CRYZL1: variants seen among roughly 807,000 people sequenced by gnomAD.
The protein encoded by CRYZL1 is crystallin zeta like 1.
A neutral mutation model predicts 50.6 loss-of-function variants in CRYZL1; 34 were observed. The observed-to-expected ratio is 0.67, with a 90% confidence interval of 0.51 to 0.89. The LOEUF (loss-of-function observed/expected upper bound fraction) is 0.89. CRYZL1 is among the 40% of genes least tolerant of loss of function. The pLI is 0.00. For missense variants in CRYZL1, 354 were observed against 402.3 expected (o/e 0.88, Z 1.03); for synonymous variants, 125 against 134.3 (o/e 0.93, Z 0.48).
chr21:33,597,359 T>TA lies in CRYZL1; in HGVS notation c.718_719insT (p.Gln240LeufsTer6), dbSNP rs1451182557. 6.2e-7 allele frequency: 1 copy of TA among 1,606,804 alleles called. No individual in the cohort carries two copies. Among genetic ancestry groups the TA allele is most frequent in the Non-Finnish European group, 8.5e-7 (1 of 1,173,334 alleles). On this transcript the variant is annotated frameshift_variant, in exon 10 of 13. Coordinates refer to ENST00000381554, the MANE Select transcript of CRYZL1 (RefSeq NM_145858.3). LOFTEE classifies it high-confidence loss of function. ...GATATCATGTTTATGTGGTAGTAGTTGTAGTTTTACAGCTGGTTCATCATC... is the reference window on the plus strand; with the variant it reads ...GATATCATGTTTATGTGGTAGTAGTTAGTAGTTTTACAGCTGGTTCATCATC...
chr21:33,613,448 T>G, intron 6 of CRYZL1, 90 bp downstream of exon 6: 1 of 873,218 alleles, frequency 1.1e-6, no homozygotes, highest in Non-Finnish European at 1.9e-6. Flanking sequence ...ACAACACTTA[T>G]GGTAGATTCA....
intron 9 of CRYZL1, 74 bp from the exon 10 acceptor site, chr21:33,597,475 C>T: frequency 8.4e-7 from 1 of 1,194,158 alleles, no homozygotes; most frequent in Non-Finnish European, 1.2e-6. Flanking sequence ...AAAATTTATT[C>T]TTCAAACAAG....
chr21:33,636,103 T>C lies in CRYZL1; in HGVS notation c.-6-4546A>G, dbSNP rs149995109. Among the ~76,000 whole-genome samples the C allele has an allele frequency of 1.2e-3, 176 of 152,268 alleles. 1 individual carries two copies. Among genetic ancestry groups the C allele is most frequent in the Non-Finnish European group, 1.8e-3 (124 of 68,016 alleles). On this transcript the variant is annotated intron_variant, in intron 1 of 12. Transcript: ENST00000381554. Reference sequence around the variant, plus strand: ...TTTACTATACCAAAAAAGTATGATATAAAACTTTTTGCCCAGAGTGGTGGC... The same window carrying C: ...TTTACTATACCAAAAAAGTATGATACAAAACTTTTTGCCCAGAGTGGTGGC...
Position 33,613,572 on chromosome 21 carries a change from AAGTCCAGGGTCTTCAG to A in CRYZL1, c.281_296del (p.Ser94PhefsTer51). The A allele has an allele frequency of 6.2e-7, 1 of 1,613,608 alleles. No individual in the cohort carries two copies. ...GCTCATGTACTCTAACAACTTCACA[AAGTCCAGGGTCTTCAG>A]AGTCCAGGGGCAAAATTCCTAAAAA... On this transcript the variant is annotated frameshift_variant, in exon 6 of 13. Coordinates refer to ENST00000381554, the MANE Select transcript of CRYZL1 (RefSeq NM_145858.3). LOFTEE classifies it high-confidence loss of function.
chr21:33,602,089 C>T lies in CRYZL1; in HGVS notation c.577+145G>A, dbSNP rs891724501. ...TCCTGGGCTCAAGCAATCCTCCCATCCTGGCTTCCCAAGGTGCTGAGGTTA... is the reference window on the plus strand; with the variant it reads ...TCCTGGGCTCAAGCAATCCTCCCATTCTGGCTTCCCAAGGTGCTGAGGTTA... On this transcript the variant is annotated intron_variant, in intron 8 of 12. Transcript: ENST00000381554. 4.3e-5 allele frequency: 24 copies of T among 556,190 alleles called. No homozygotes were observed. In the African/African-American group the frequency reaches 4.3e-4, roughly 10 times the overall value. 34.5% of individuals were successfully genotyped at this position (556,190 alleles called of 1,614,324 possible).
intron 1 of CRYZL1, among the ~76,000 whole-genome samples, chr21:33,635,451 C>T (rs1425984739): frequency 1.3e-5 from 2 of 150,046 alleles, no homozygotes; most frequent in Admixed American, 6.7e-5. Flanking sequence ...CCTGGGTTCA[C>T]GCCATTCTCC....
Position 33,599,420 on chromosome 21 carries a change from T to A in CRYZL1, c.578-172A>T, listed in dbSNP as rs1214456525. 12 of 876,658 alleles carry A rather than the reference T, an allele frequency of 1.4e-5. No homozygotes were observed. The Admixed American group carries it at 1.7e-4, about 13-fold the overall frequency. The allele number at this position is 876,658 out of a possible 1,614,324, so 54.3% of individuals were successfully genotyped here. On this transcript the variant is annotated intron_variant, in intron 8 of 12. Coordinates refer to ENST00000381554, the MANE Select transcript of CRYZL1 (RefSeq NM_145858.3). ...AAGTCAATTTAAATTATACTTTTTC[T>A]CATCTAACCCAATATGGGATATAGC...
At chr21:33,619,707 A>C (rs749523486) in intron 4 of CRYZL1, among the ~76,000 whole-genome samples, 1 of 152,090 alleles carries the variant, frequency 6.6e-6, no homozygotes, top group Non-Finnish European at 1.5e-5. Context: ...AATTTTCTTG[A>C]CAAAATGTTT....
chr21:33,617,787 GGTCGATCTTTAACCAGGC>G (rs2086951263), intron 4 of CRYZL1, among the ~76,000 whole-genome samples: 1 of 152,130 alleles, frequency 6.6e-6, no homozygotes, highest in African/African-American at 2.4e-5. Flanking sequence ...TTAGGACAGG[GGTCGATCTTTAACCAGGC>G]CCAGGGCGTG....
At chr21:33,616,498 G>A (rs2086934128) in intron 5 of CRYZL1, 1 of 774,142 alleles carries the variant, frequency 1.3e-6, no homozygotes, top group Non-Finnish European at 1.9e-6. Context: ...CTCCATGTTG[G>A]TCAGGCTGGT....
intron 2 of CRYZL1, among the ~76,000 whole-genome samples, chr21:33,630,730 T>C (rs1454414763): frequency 1.3e-5 from 2 of 152,162 alleles, no homozygotes; most frequent in Non-Finnish European, 2.9e-5. Context: ...ACAGCAAAGA[T>C]ATGGAATCAA....
chr21:33,600,635 T>G (rs965463094), intron 8 of CRYZL1, among the ~76,000 whole-genome samples: 1 of 151,552 alleles, frequency 6.6e-6, no homozygotes, highest in African/African-American at 2.4e-5. Flanking sequence ...CATGCTTTTT[T>G]TTTTTTTTGA....
chr21:33,641,064 T>A, intron 1 of CRYZL1: 2 of 1,466,374 alleles, frequency 1.4e-6, no homozygotes, highest in African/African-American at 2.8e-5. Flanking sequence ...ATATTTGTAC[T>A]GGACAGAGTT....
intron 6 of CRYZL1, among the ~76,000 whole-genome samples, chr21:33,605,937 A>G (rs990640541): frequency 1.3e-5 from 2 of 152,162 alleles, no homozygotes; most frequent in Non-Finnish European, 2.9e-5. Context: ...TAGCCAGAGT[A>G]GTCAGCACTG....
chr21:33,618,055 C>T (rs944328248), intron 4 of CRYZL1, among the ~76,000 whole-genome samples: 2 of 151,786 alleles, frequency 1.3e-5, no homozygotes, highest in African/African-American at 4.8e-5. Context: ...TTTGGGAGGC[C>T]GAGGCGGGTG....
intron 1 of CRYZL1, chr21:33,641,364 G>A (rs1057509545): frequency 1.1e-5 from 17 of 1,507,722 alleles, no homozygotes; most frequent in Non-Finnish European, 1.5e-5. Context: ...AAGAAGCAGA[G>A]GAGAAAAACC....
intron 11 of CRYZL1, among the ~76,000 whole-genome samples, chr21:33,594,140 T>C (rs762958149): frequency 2.0e-5 from 3 of 151,896 alleles, no homozygotes; most frequent in Admixed American, 6.6e-5. Flanking sequence ...TACAATGTTA[T>C]TGGATTGGAC....
intron 11 of CRYZL1, chr21:33,595,298 G>C: frequency 9.6e-7 from 1 of 1,042,214 alleles, no homozygotes; most frequent in Admixed American, 3.6e-5. Context: ...CTTTAATTTA[G>C]AAAAGTATTC....
At chr21:33,635,437 G>T (rs1208741689) in intron 1 of CRYZL1, among the ~76,000 whole-genome samples, 5 of 140,542 alleles carry the variant, frequency 3.6e-5, no homozygotes, top group Non-Finnish European at 6.0e-5. Flanking sequence ...TGCAAGCTCC[G>T]CCTCCTGGGT....
Sources: allele counts gnomAD v4.1 joint callset (sites outside exome capture counted in the v4.1 genomes callset), GRCh38; gene constraint gnomAD v4.1.1; transcripts MANE v1.5; gene names NCBI Gene and HGNC (gene_info 2026-07-23, HGNC 2026-07-21).